Variants in TRA2B observed in about 807,000 individuals in gnomAD.
TRA2B encodes transformer-2 protein homolog beta.
A neutral mutation model predicts 41.7 loss-of-function variants in TRA2B; 14 were observed. The observed-to-expected ratio is 0.34, with a 90% CI of 0.22 to 0.53. TRA2B has a LOEUF of 0.53. TRA2B is among the 20% of genes least tolerant of loss of function. TRA2B has a pLI of 0.95. For missense variants in TRA2B, 167 were observed against 396.8 expected, an observed-to-expected ratio of 0.42 and a Z score of 4.92; for synonymous variants, 130 against 128.8, an observed-to-expected ratio of 1.01 and a Z score of -0.06.
Position 185,931,970 on chromosome 3 carries a change from A to AAG in TRA2B, c.37-5238_37-5237dup, listed in dbSNP as rs919837408. 1.6e-5 allele frequency: 11 copies of AAG among 692,440 alleles called. No individual in the cohort carries two copies. In the African/African-American group the frequency reaches 1.9e-4, roughly 12 times the overall value. The allele number at this position is 692,440 out of a possible 1,614,324, so 42.9% of individuals were successfully genotyped here. On this transcript the variant is annotated intron_variant, in intron 1 of 8. Coordinates refer to ENST00000453386, the MANE Select transcript of TRA2B (RefSeq NM_004593.3). ...TTGATTTGGATTAAAAAAAAAAAAA[A>AAG]AGAAACTAGAATATGCAGCTCAAAA...
intron 3 of TRA2B, 192 bp downstream of exon 3, chr3:185,925,272 A>C: frequency 1.6e-6 from 1 of 606,140 alleles, no homozygotes; most frequent in South Asian, 2.2e-5. Context: ...ATTATGCTTA[A>C]TTGACAGGCA....
rs1316417049 is a variant in TRA2B, at chr3:185,915,173, G to A, written c.*2542C>T. On this transcript the variant is annotated 3_prime_UTR_variant, in exon 9 of 9. Transcript: ENST00000453386. ...AGGAGATCGGAAACCCCTGCTCCCAGGTCTACAAATCTTTTGACACAGCCT... is the reference window on the plus strand; with the variant it reads ...AGGAGATCGGAAACCCCTGCTCCCAAGTCTACAAATCTTTTGACACAGCCT... Among the ~76,000 whole-genome samples the A allele has an allele frequency of 1.3e-5, 2 of 152,112 alleles. No homozygotes were observed. The highest frequency in any genetic ancestry group is 4.1e-4 in the South Asian group (2 of 4,822).
At position 185,936,385 on chromosome 3, in the gene TRA2B, T is replaced by C. The variant is rs948956292; in HGVS notation, c.36+1440A>G. 55 of 985,426 alleles carry C rather than the reference T, an allele frequency of 5.6e-5. 1 individual carries two copies. Among genetic ancestry groups the C allele is most frequent in the African/African-American group, 1.9e-4 (11 of 57,352 alleles). 61.0% of individuals were successfully genotyped at this position (985,426 alleles called of 1,614,324 possible). On this transcript the variant is annotated intron_variant, in intron 1 of 8. Coordinates refer to ENST00000453386, the MANE Select transcript of TRA2B (RefSeq NM_004593.3). ...AAAAAAATCTAAAACACTCGTGACA[T>C]TGGAGTCAATCGGCTTCGGGAAAAA...
In TRA2B at chr3:185,935,660, C is replaced by A. The variant is rs59886575; in HGVS notation, c.36+2165G>T. Reference sequence around the variant, plus strand: ...AGTTGAATAACACTCATTTTTCTGGCTCCAGAGAAGCATCATTTACACCAC... The same window carrying A: ...AGTTGAATAACACTCATTTTTCTGGATCCAGAGAAGCATCATTTACACCAC... On this transcript the variant is annotated intron_variant, in intron 1 of 8. Coordinates refer to ENST00000453386, the MANE Select transcript of TRA2B (RefSeq NM_004593.3). 3.9e-4 allele frequency: 382 copies of A among 985,424 alleles called. 11 individuals are homozygous for A. In the East Asian group the frequency reaches 0.03, roughly 77 times the overall value. 61.0% of individuals were successfully genotyped at this position (985,424 alleles called of 1,614,324 possible).
rs758176248 is a variant in TRA2B, at chr3:185,925,564, T to TGGGAGC, written c.227_232dup (p.Arg76_Ser77dup). On this transcript the variant is annotated inframe_insertion, in exon 3 of 9. Coordinates refer to ENST00000453386, the MANE Select transcript of TRA2B (RefSeq NM_004593.3). ...GTAAGACCTGCTACGTGATCGTCTA[T>TGGGAGC]GGGAGCGGGAGCGAGACCGTGACCG... The TGGGAGC allele has an allele frequency of 2.2e-5, 36 of 1,614,094 alleles. No individual in the cohort carries two copies. The highest frequency in any genetic ancestry group is 2.7e-5 in the Non-Finnish European group (32 of 1,180,044).
chr3:185,931,388 T>C, intron 1 of TRA2B: 1 of 220,270 alleles, frequency 4.5e-6, no homozygotes, highest in Non-Finnish European at 7.7e-6. Context: ...GCCTGGTGCT[T>C]GACTACTAAA....
chr3:185,937,284 G>A (rs1213507740), intron 1 of TRA2B: 2 of 986,772 alleles, frequency 2.0e-6, no homozygotes, highest in Non-Finnish European at 2.4e-6. Context: ...TTTCCGTGGA[G>A]GCAAAGACGG....
chr3:185,929,356 C>T (rs1744065952), intron 1 of TRA2B, among the ~76,000 whole-genome samples: 1 of 152,066 alleles, frequency 6.6e-6, no homozygotes, highest in Non-Finnish European at 1.5e-5. Context: ...CTATAAAAAC[C>T]AGTTGGGGAA....
intron 1 of TRA2B, chr3:185,935,411 T>A: frequency 1.0e-6 from 1 of 985,342 alleles, no homozygotes; most frequent in Non-Finnish European, 1.2e-6. Context: ...TAAATGTCAT[T>A]ATATTCACCC....
intron 1 of TRA2B, chr3:185,928,793 A>G (rs1744047391): frequency 6.6e-6 from 1 of 152,248 alleles, no homozygotes. Context: ...TAGTTAACAG[A>G]AATCAGTCAG....
intron 1 of TRA2B, chr3:185,935,490 A>G: frequency 2.0e-6 from 2 of 985,440 alleles, no homozygotes; most frequent in Non-Finnish European, 2.4e-6. Flanking sequence ...AAGGGGAGGG[A>G]CACAACAACA....
chr3:185,931,613 T>A, intron 1 of TRA2B: 1 of 1,294,222 alleles, frequency 7.7e-7, no homozygotes, highest in Non-Finnish European at 9.8e-7. Context: ...TTACTTCTTA[T>A]CTTAACTTCA....
At chr3:185,935,033 G>GCAAGACCAA in intron 1 of TRA2B, 1 of 985,410 alleles carries the variant, frequency 1.0e-6, no homozygotes, top group Non-Finnish European at 1.2e-6. Context: ...TACACTGCGT[G>GCAAGACCAA]CAAGACCAAC....
intron 1 of TRA2B, chr3:185,937,248 C>A (rs769686852): frequency 7.1e-6 from 7 of 986,108 alleles, no homozygotes; most frequent in Non-Finnish European, 6.0e-6. Context: ...TCTTAAGAGG[C>A]CCCAAAGACA....
At chr3:185,937,054 G>C (rs1744390085) in intron 1 of TRA2B, 2 of 985,390 alleles carry the variant, frequency 2.0e-6, no homozygotes, top group African/African-American at 1.7e-5. Context: ...GTGGAAATGC[G>C]ATGTCCACAA....
intron 1 of TRA2B, chr3:185,936,033 A>C (rs1744339149): frequency 2.0e-6 from 2 of 985,320 alleles, no homozygotes; most frequent in Non-Finnish European, 2.4e-6. Context: ...CCGAGTCTCA[A>C]ACTGGAACCT....
intron 1 of TRA2B, chr3:185,934,972 G>C: frequency 8.1e-6 from 8 of 985,382 alleles, no homozygotes; most frequent in Non-Finnish European, 9.6e-6. Context: ...GATTCCTTTA[G>C]TAAAGACTCA....
chr3:185,926,222 CTTAT>C (rs1344414170), intron 2 of TRA2B, among the ~76,000 whole-genome samples: 7 of 150,710 alleles, frequency 4.6e-5, no homozygotes, highest in Admixed American at 1.3e-4. Flanking sequence ...CATATATATA[CTTAT>C]TTATCAAGAA....
chr3:185,926,893 C>A, intron 1 of TRA2B, 159 bp from the exon 2 acceptor site: 1 of 799,268 alleles, frequency 1.3e-6, no homozygotes, highest in Non-Finnish European at 1.9e-6. Context: ...TTAATAGTTT[C>A]ATTGCTCCAA....
Sources: gnomAD v4.1 joint callset for allele counts (sites outside exome capture counted in the v4.1 genomes callset) on GRCh38, gnomAD v4.1.1 for gene constraint, MANE v1.5 for transcripts, NCBI Gene and HGNC (gene_info 2026-07-23, HGNC 2026-07-21) for gene names.